Variants in CHM observed in about 807,000 individuals in gnomAD.
CHM encodes the protein CHM Rab escort protein.
Under a neutral mutation model 49.0 loss-of-function variants are expected in CHM, and 10 were observed. The observed-to-expected ratio is 0.20, with a 90% CI of 0.13 to 0.35. The LOEUF is 0.35. Among genes scored for constraint, CHM ranks in the 10% least tolerant of loss-of-function variants. The pLI is 1.00. For synonymous variants in CHM, 184 were observed against 167.5 expected (o/e 1.10, Z -0.76); for missense variants, 455 against 478.4 (o/e 0.95, Z 0.46).
chrX:85,916,548 C>T (rs1420553638), intron 8 of CHM, among the ~76,000 whole-genome samples: 1 of 111,481 alleles, frequency 9.0e-6, no homozygotes, highest in Non-Finnish European at 1.9e-5. Context: ...TACAATCTAT[C>T]TATCTAAGGT....
chrX:86,029,857 A>G (rs1162051686), intron 1 of CHM, among the ~76,000 whole-genome samples: 2 of 111,374 alleles, frequency 1.8e-5, no homozygotes, highest in African/African-American at 6.5e-5. Context: ...TCATCTATCA[A>G]TGAGAATATC....
intron 1 of CHM, among the ~76,000 whole-genome samples, chrX:86,030,483 A>G (rs1933995631): frequency 8.9e-6 from 1 of 111,989 alleles, no homozygotes; most frequent in African/African-American, 3.2e-5. Context: ...GAAGAAAAGA[A>G]AAAGAAAATG....
rs186546358 is a variant in CHM at position 85,946,985 on chromosome X, T to C, written c.1166+9168A>G. Reference sequence around the variant, plus strand: ...CCCTTTTTTGGACAATCTCTCCCTTTTGGAATGGAAATGTTTACCCAATAC... The same window carrying C: ...CCCTTTTTTGGACAATCTCTCCCTTCTGGAATGGAAATGTTTACCCAATAC... On this transcript the variant is annotated intron_variant, in intron 8 of 14. Coordinates refer to ENST00000357749, the MANE Select transcript of CHM (RefSeq NM_000390.4). 6.7e-3 allele frequency among the ~76,000 whole-genome samples: 754 copies of C among 112,511 alleles called. 8 individuals are homozygous for C. Among genetic ancestry groups the C allele is most frequent in the African/African-American group, 0.023 (711 of 31,034 alleles).
intron 9 of CHM, among the ~76,000 whole-genome samples, chrX:85,905,612 G>A (rs1926544149): frequency 9.0e-6 from 1 of 111,513 alleles, no homozygotes; most frequent in African/African-American, 3.3e-5. Flanking sequence ...GCTCTTTGGA[G>A]GAAGTGACAC....
chrX:85,904,355 T>C (rs1386346951), intron 9 of CHM, among the ~76,000 whole-genome samples: 1 of 111,699 alleles, frequency 9.0e-6, no homozygotes, highest in Non-Finnish European at 1.9e-5. Flanking sequence ...CTAAGCTTTC[T>C]AAATCAACAA....
At position 85,955,508 on chromosome X, in the gene CHM, G is replaced by C. The variant is rs145441367; in HGVS notation, c.1166+645C>G. ...AAAGGTTCAACTTCATAGGTAATTA[G>C]GGAAATGAAAAATAAAAATCCAATG... On this transcript the variant is annotated intron_variant, in intron 8 of 14. Transcript: ENST00000357749. 2.0e-4 allele frequency among the ~76,000 whole-genome samples: 23 copies of C among 112,393 alleles called. No homozygotes were observed. The East Asian group carries it at 6.4e-3, about 31-fold the overall frequency.
At chrX:85,891,866 G>A (rs964675414) in intron 12 of CHM, among the ~76,000 whole-genome samples, 5 of 111,867 alleles carry the variant, frequency 4.5e-5, no homozygotes, top group South Asian at 3.7e-4. Context: ...GAAAGCAGCC[G>A]GGAGGCAGGA....
At chrX:85,918,286 C>G (rs1927571115) in intron 8 of CHM, among the ~76,000 whole-genome samples, 1 of 111,491 alleles carries the variant, frequency 9.0e-6, no homozygotes, top group Non-Finnish European at 1.9e-5. Flanking sequence ...GAAATCCCAA[C>G]ACAAAATTTC....
intron 4 of CHM, among the ~76,000 whole-genome samples, chrX:85,964,360 C>T (rs1930466408): frequency 1.8e-5 from 2 of 110,188 alleles, no homozygotes; most frequent in South Asian, 4.0e-4. Context: ...GTAAGCTCTG[C>T]GAACTTAGAT....
intron 12 of CHM, among the ~76,000 whole-genome samples, chrX:85,886,487 T>C (rs1925094553): frequency 8.9e-6 from 1 of 111,777 alleles, no homozygotes; most frequent in Non-Finnish European, 1.9e-5. Flanking sequence ...TTGCCCATAA[T>C]TGGGGAGCTT....
chrX:85,893,162 A>C (rs1021637351), intron 12 of CHM, among the ~76,000 whole-genome samples: 1 of 111,832 alleles, frequency 8.9e-6, no homozygotes, highest in Non-Finnish European at 1.9e-5. Flanking sequence ...TTAGGTGAGC[A>C]GTAAGATTAT....
At chrX:85,949,978 A>AAAATATATAT (rs1288084776) in intron 8 of CHM, among the ~76,000 whole-genome samples, 7 of 42,807 alleles carry the variant, frequency 1.6e-4, no homozygotes, top group Admixed American at 1.3e-3. Flanking sequence ...ACTGAAATTA[A>AAAATATATAT]ATATATATAT....
chrX:85,963,689 T>C lies in CHM; in HGVS notation c.678A>G (p.Arg226=). ...TYSQIIKEGR[R]FNIDLVSKLL... ...CCTTTGATACTAAATCAATATTAAA[T>C]CTCCTGCCTTCTTTAATAATTTGTG... Residue 226 remains arginine (R), a synonymous_variant, in exon 5 of 15, where the codon AGA becomes AGG. Coordinates refer to ENST00000357749, the MANE Select transcript of CHM (RefSeq NM_000390.4). 1 of 1,197,262 alleles carries C rather than the reference T, an allele frequency of 8.4e-7. No homozygotes were observed. Among genetic ancestry groups the C allele is most frequent in the Non-Finnish European group, 1.1e-6 (1 of 883,238 alleles).
Position 85,978,843 on chromosome X carries a change from G to A in CHM, c.238C>T (p.Leu80Phe), listed in dbSNP as rs55741408. The A allele has an allele frequency of 1.8e-3, 2,122 of 1,204,488 alleles. 19 individuals carry two copies. The African/African-American group carries it at 0.028, about 16-fold the overall frequency. ...AGAGCAATGGCTTCTTCATTTTCAA[G>A]GATCTGGTCTTGCCACACTGGACTG... Reference protein sequence around the residue: ...SDSPVWQDQILENEEAIALSR... With the variant: ...SDSPVWQDQIFENEEAIALSR... The change falls in exon 4 of 15, where the codon CTT becomes TTT. Residue 80 changes from leucine to phenylalanine, a missense_variant. Physicochemically the swap from Leu to Phe is conservative, Grantham distance 22 (BLOSUM62 0). Coordinates refer to ENST00000357749, the MANE Select transcript of CHM (RefSeq NM_000390.4).
At chrX:86,026,255 C>T (rs971843225) in intron 2 of CHM, among the ~76,000 whole-genome samples, 1 of 105,566 alleles carries the variant, frequency 9.5e-6, no homozygotes, top group African/African-American at 3.4e-5. Flanking sequence ...TCCCAAGAAG[C>T]TGGGATTACA....
chrX:85,925,645 A>T (rs1054123879), intron 8 of CHM, among the ~76,000 whole-genome samples: 34 of 111,538 alleles, frequency 3.0e-4, no homozygotes, highest in South Asian at 2.3e-3. Context: ...TGTATGATAT[A>T]TATTCATTTT....
chrX:86,003,820 C>G (rs1287282104), intron 2 of CHM, among the ~76,000 whole-genome samples: 1 of 111,946 alleles, frequency 8.9e-6, no homozygotes, highest in Non-Finnish European at 1.9e-5. Context: ...AGAATGGAAA[C>G]AAGTTGGAAA....
intron 1 of CHM, among the ~76,000 whole-genome samples, chrX:86,042,941 A>G (rs1331691042): frequency 8.9e-6 from 1 of 111,732 alleles, no homozygotes; most frequent in Non-Finnish European, 1.9e-5. Context: ...ATCAGGCCCC[A>G]CCTCCGACAA....
chrX:86,007,239 C>T (rs1296962213), intron 2 of CHM, among the ~76,000 whole-genome samples: 4 of 112,113 alleles, frequency 3.6e-5, no homozygotes, highest in South Asian at 3.7e-4. Context: ...CCCTTCCTTA[C>T]GCCTTATACA....
Sources: allele counts gnomAD v4.1 joint callset (sites outside exome capture counted in the v4.1 genomes callset), GRCh38; gene constraint gnomAD v4.1.1; transcripts MANE v1.5; gene names NCBI Gene and HGNC (gene_info 2026-07-23, HGNC 2026-07-21).